Variants in COMMD1 observed in about 807,000 individuals in gnomAD.
COMMD1 encodes the protein copper metabolism domain containing 1, also known as COMM domain-containing protein 1.
Under a neutral mutation model 17.2 loss-of-function variants are expected in COMMD1, and 10 were observed. That is an observed-to-expected ratio of 0.58 (90% confidence interval 0.36 to 0.99). The LOEUF (loss-of-function observed/expected upper bound fraction) is 0.99. COMMD1 is among the 50% of genes least tolerant of loss of function. The pLI is 0.01. For missense variants in COMMD1, 270 were observed against 231.8 expected, an observed-to-expected ratio of 1.17 and a Z score of -1.07; for synonymous variants, 97 against 91.6, an observed-to-expected ratio of 1.06 and a Z score of -0.34.
At chr2:62,132,462 A>G (rs1363983513) in intron 2 of COMMD1, among the ~76,000 whole-genome samples, 7 of 152,292 alleles carry the variant, frequency 4.6e-5, no homozygotes, top group African/African-American at 1.7e-4. Flanking sequence ...TATAGGCTAC[A>G]TCATCTTTTT....
intron 2 of COMMD1, among the ~76,000 whole-genome samples, chr2:62,128,334 A>AG (rs1458936529): frequency 7.3e-6 from 1 of 136,144 alleles, no homozygotes; most frequent in African/African-American, 2.6e-5. Flanking sequence ...TCTAAAAAAA[A>AG]GAAAAAAAAA....
chr2:61,927,936 T>A (rs547898553), intron 1 of COMMD1, among the ~76,000 whole-genome samples: 1 of 152,226 alleles, frequency 6.6e-6, no homozygotes, highest in East Asian at 1.9e-4. Flanking sequence ...GGCTAATTTT[T>A]ATTTTTTTAG....
At chr2:62,128,295 T>C (rs187335899) in intron 2 of COMMD1, among the ~76,000 whole-genome samples, 1 of 147,542 alleles carries the variant, frequency 6.8e-6, no homozygotes, top group East Asian at 2.0e-4. Context: ...ACTTCTTCAC[T>C]CCAGCCTGGG....
chr2:61,965,620 T>C (rs1671485454), intron 1 of COMMD1, among the ~76,000 whole-genome samples: 1 of 152,192 alleles, frequency 6.6e-6, no homozygotes, highest in African/African-American at 2.4e-5. Flanking sequence ...AGAAAAACCT[T>C]AAGCAGTTAG....
chr2:62,128,620 C>A (rs1672946921), intron 2 of COMMD1, among the ~76,000 whole-genome samples: 2 of 152,138 alleles, frequency 1.3e-5, no homozygotes, highest in South Asian at 2.1e-4. Flanking sequence ...TCCCTCCTTC[C>A]CTTCCTTGCA....
At chr2:62,097,809 G>T (rs1231423878) in intron 2 of COMMD1, among the ~76,000 whole-genome samples, 1 of 152,100 alleles carries the variant, frequency 6.6e-6, no homozygotes, top group African/African-American at 2.4e-5. Context: ...CGCTGGTGTC[G>T]ACAAAGGCTC....
chr2:61,912,689 C>G lies in COMMD1; in HGVS notation c.180+6831C>G, dbSNP rs550343176. Reference sequence around the variant, plus strand: ...GGTGGAGGTTGCAGTGAGCCGAGATCGTGCCACTGCACTCCAGCCTGGCGA... The same window carrying G: ...GGTGGAGGTTGCAGTGAGCCGAGATGGTGCCACTGCACTCCAGCCTGGCGA... On this transcript the variant is annotated intron_variant, in intron 1 of 2. Transcript: ENST00000311832. Among the ~76,000 whole-genome samples, 317 of 149,794 alleles carry G rather than the reference C, an allele frequency of 2.1e-3. 1 individual carries two copies. The highest frequency in any genetic ancestry group is 0.018 in the Middle Eastern group (5 of 284).
chr2:62,007,628 A>G (rs1669156879), intron 2 of COMMD1, among the ~76,000 whole-genome samples: 1 of 152,152 alleles, frequency 6.6e-6, no homozygotes, highest in South Asian at 2.1e-4. Context: ...GCAGTTGCCT[A>G]CAGTATTCAG....
At chr2:62,027,022 T>C (rs2103867214) in intron 2 of COMMD1, among the ~76,000 whole-genome samples, 1 of 152,308 alleles carries the variant, frequency 6.6e-6, no homozygotes, top group Admixed American at 6.5e-5. Context: ...TGTATATACT[T>C]GAATCCTTTT....
At chr2:61,922,312 T>C (rs1670220461) in intron 1 of COMMD1, among the ~76,000 whole-genome samples, 1 of 152,168 alleles carries the variant, frequency 6.6e-6, no homozygotes, top group Non-Finnish European at 1.5e-5. Context: ...TTGTGGCAGT[T>C]TTTTTGTTTG....
chr2:61,996,672 G>C (rs1668763203), intron 1 of COMMD1, among the ~76,000 whole-genome samples: 1 of 151,996 alleles, frequency 6.6e-6, no homozygotes, highest in Admixed American at 6.6e-5. Context: ...TCTTTACTAG[G>C]ACTAGATACC....
intron 1 of COMMD1, among the ~76,000 whole-genome samples, chr2:61,898,671 A>C (rs1356064869): frequency 6.6e-6 from 1 of 152,190 alleles, no homozygotes; most frequent in Non-Finnish European, 1.5e-5. Context: ...CCTCATTAAA[A>C]AAACACCTAT....
chr2:61,923,396 CTG>C (rs1316605910), intron 1 of COMMD1, among the ~76,000 whole-genome samples: 4 of 151,880 alleles, frequency 2.6e-5, no homozygotes, highest in Non-Finnish European at 4.4e-5. Flanking sequence ...GAGGAAAACA[CTG>C]TGTATTTCTC....
chr2:62,037,127 G>T (rs1032444631), intron 2 of COMMD1, among the ~76,000 whole-genome samples: 1 of 152,054 alleles, frequency 6.6e-6, no homozygotes, highest in Non-Finnish European at 1.5e-5. Context: ...CTTTATTTTT[G>T]CTAGTCATGC....
chr2:62,077,390 A>C (rs1468718690), intron 2 of COMMD1, among the ~76,000 whole-genome samples: 1 of 152,236 alleles, frequency 6.6e-6, no homozygotes, highest in Non-Finnish European at 1.5e-5. Context: ...TATTTTGAGA[A>C]GTGACTGATG....
intron 1 of COMMD1, among the ~76,000 whole-genome samples, chr2:61,893,889 G>T (rs1388218939): frequency 6.6e-6 from 1 of 151,998 alleles, no homozygotes; most frequent in South Asian, 2.1e-4. Flanking sequence ...TCCAGGATGT[G>T]GTGGGGCACA....
chr2:62,120,571 C>G (rs1268491506), intron 2 of COMMD1, among the ~76,000 whole-genome samples: 1 of 152,036 alleles, frequency 6.6e-6, no homozygotes, highest in African/African-American at 2.4e-5. Flanking sequence ...CAGTGGTTTT[C>G]TTCAGGTATG....
intron 2 of COMMD1, among the ~76,000 whole-genome samples, chr2:62,089,197 G>A (rs1265010715): frequency 6.6e-6 from 1 of 151,916 alleles, no homozygotes; most frequent in Non-Finnish European, 1.5e-5. Flanking sequence ...ATCTAGCTAT[G>A]TTAATAGAGA....
chr2:62,030,688 A>G (rs956784680), intron 2 of COMMD1, among the ~76,000 whole-genome samples: 1 of 152,252 alleles, frequency 6.6e-6, no homozygotes, highest in Middle Eastern at 3.4e-3. Context: ...CTTTTGTCAT[A>G]TACGGTCTCT....
Sources: gnomAD v4.1 joint callset for allele counts (sites outside exome capture counted in the v4.1 genomes callset) on GRCh38, gnomAD v4.1.1 for gene constraint, MANE v1.5 for transcripts, NCBI Gene and HGNC (gene_info 2026-07-23, HGNC 2026-07-21) for gene names.